The following DGKB variants were observed in gnomAD, a reference collection of about 807,000 sequenced individuals.
DGKB encodes diacylglycerol kinase beta.
In DGKB, 67 loss-of-function variants were observed where a neutral mutation model predicts 114.3. The ratio of observed to expected loss-of-function variants is 0.59; its 90% confidence interval spans 0.48 to 0.72. The LOEUF is 0.72. DGKB is among the 30% of genes least tolerant of loss of function. The pLI is 0.00. For synonymous variants in DGKB, 398 were observed against 323.1 expected, an observed-to-expected ratio of 1.23 and a Z score of -2.49; for missense variants, 907 against 975.2, an observed-to-expected ratio of 0.93 and a Z score of 0.93.
At chr7:14,682,928 A>C in intron 10 of DGKB, 87 bp from the exon 11 acceptor site, 5 of 880,000 alleles carry the variant, frequency 5.7e-6, no homozygotes, top group Non-Finnish European at 9.2e-6. Context: ...ACAGAACCTC[A>C]TTTCATATCC....
chr7:14,773,050 T>C (rs1415736317), intron 2 of DGKB, among the ~76,000 whole-genome samples: 1 of 152,186 alleles, frequency 6.6e-6, no homozygotes, highest in East Asian at 1.9e-4. Flanking sequence ...ATTCCTTGTG[T>C]TTTTAACATA....
chr7:14,704,158 G>A (rs915852978), intron 6 of DGKB, among the ~76,000 whole-genome samples: 6 of 151,742 alleles, frequency 4.0e-5, no homozygotes, highest in Non-Finnish European at 7.4e-5. Flanking sequence ...TTTGCCGGCC[G>A]GGCGCGGTGG....
intron 25 of DGKB, among the ~76,000 whole-genome samples, chr7:14,155,016 G>C (rs1202508841): frequency 6.6e-6 from 1 of 151,906 alleles, no homozygotes; most frequent in East Asian, 1.9e-4. Context: ...AGACTCCCCG[G>C]TCCCACCCCA....
At chr7:14,400,798 T>C (rs1822985978) in intron 21 of DGKB, among the ~76,000 whole-genome samples, 2 of 151,752 alleles carry the variant, frequency 1.3e-5, no homozygotes, top group African/African-American at 4.8e-5. Context: ...CATATTTATA[T>C]GTGTTATAAG....
chr7:14,454,713 C>T (rs1832027032), intron 21 of DGKB, among the ~76,000 whole-genome samples: 2 of 151,872 alleles, frequency 1.3e-5, no homozygotes, highest in South Asian at 4.1e-4. Context: ...TTTGTAAATC[C>T]CAGAGAGTTA....
chr7:14,242,306 G>C (rs1369598161), intron 23 of DGKB, among the ~76,000 whole-genome samples: 1 of 152,118 alleles, frequency 6.6e-6, no homozygotes, highest in African/African-American at 2.4e-5. Context: ...GGCCCTGCAG[G>C]GCAAAGAAGC....
chr7:14,296,734 T>TA (rs557442068), intron 23 of DGKB, among the ~76,000 whole-genome samples: 24 of 142,176 alleles, frequency 1.7e-4, no homozygotes, highest in Non-Finnish European at 2.9e-4. Context: ...AAAAAACCTT[T>TA]AAAAAAATCA....
rs915088792 is a variant in DGKB, at chr7:14,742,058, G to T, written c.169-5864C>A. ...GAGAGACCCTAAGATAATTTCTGAT[G>T]AACAGAGACTACTTGGGAAAAATGG... On this transcript the variant is annotated intron_variant, in intron 4 of 25. Coordinates refer to ENST00000402815, the MANE Select transcript of DGKB (RefSeq NM_001350709.2). Among the ~76,000 whole-genome samples the T allele has an allele frequency of 4.6e-5, 7 of 152,160 alleles. No individual in the cohort carries two copies. In the East Asian group the frequency reaches 9.7e-4, roughly 21 times the overall value.
At chr7:14,583,500 T>C (rs910918245) in intron 17 of DGKB, among the ~76,000 whole-genome samples, 4 of 152,210 alleles carry the variant, frequency 2.6e-5, no homozygotes, top group Non-Finnish European at 5.9e-5. Flanking sequence ...TTATTTCATT[T>C]AATAAATTTC....
At chr7:14,891,044 G>C (rs1185417764) in intron 1 of DGKB, among the ~76,000 whole-genome samples, 1 of 151,310 alleles carries the variant, frequency 6.6e-6, no homozygotes, top group Admixed American at 6.6e-5. Flanking sequence ...AAACATAAAA[G>C]AGAGGAAAAT....
At chr7:14,234,238 C>T (rs1792397372) in intron 23 of DGKB, among the ~76,000 whole-genome samples, 1 of 151,902 alleles carries the variant, frequency 6.6e-6, no homozygotes. Flanking sequence ...TTGCATGAAC[C>T]CTTGTCCGTG....
rs34838441 is a variant in DGKB, at chr7:14,841,454, C to CAA, written c.-187-6_-187-5dup. Reference sequence around the variant, plus strand: ...ATTTCAATAATGTGTTAAAGAACTGCAAAAAAAAAAAACAGATCAAGATCA... The same window carrying CAA: ...ATTTCAATAATGTGTTAAAGAACTGCAAAAAAAAAAAAAACAGATCAAGATCA... On this transcript the variant is annotated splice_region_variant and splice_polypyrimidine_tract_variant and intron_variant, in intron 1 of 25. Transcript: ENST00000402815. 3.6e-5 allele frequency: 13 copies of CAA among 364,186 alleles called. No homozygotes were observed. Among genetic ancestry groups the CAA allele is most frequent in the Admixed American group, 4.6e-5 (1 of 21,564 alleles). 22.6% of individuals were successfully genotyped at this position (364,186 alleles called of 1,614,324 possible). A position where few individuals can be genotyped will look rare whatever the true frequency, so the allele number is the denominator to read the frequency against.
At chr7:14,254,988 G>C (rs1474424017) in intron 23 of DGKB, among the ~76,000 whole-genome samples, 1 of 152,144 alleles carries the variant, frequency 6.6e-6, no homozygotes, top group Non-Finnish European at 1.5e-5. Context: ...CAAGGCACCA[G>C]TAGAAGTTGG....
rs193205046 is a variant in DGKB, at chr7:14,147,900, C to T, written c.*1231G>A. 3.1e-4 allele frequency: 47 copies of T among 152,014 alleles called. No homozygotes were observed. Among genetic ancestry groups the T allele is most frequent in the Admixed American group, 9.8e-4 (15 of 15,258 alleles). 9.4% of individuals were successfully genotyped at this position (152,014 alleles called of 1,614,324 possible). ...CAACAGTGATCTAGGCTGTTGTTTC[C>T]AAATAAACATTTGAAATGTCATAAA... On this transcript the variant is annotated 3_prime_UTR_variant, in exon 26 of 26. Coordinates refer to ENST00000402815, the MANE Select transcript of DGKB (RefSeq NM_001350709.2).
intron 21 of DGKB, among the ~76,000 whole-genome samples, chr7:14,387,206 G>C (rs10435058): frequency 6.6e-6 from 1 of 151,506 alleles, no homozygotes; most frequent in Non-Finnish European, 1.5e-5. Flanking sequence ...CGTGGATCAC[G>C]AGGTCAGGAG....
intron 21 of DGKB, among the ~76,000 whole-genome samples, chr7:14,432,297 G>C (rs1424898088): frequency 6.6e-6 from 1 of 152,058 alleles, no homozygotes; most frequent in Non-Finnish European, 1.5e-5. Context: ...TGAGCAATTT[G>C]CAAAACAGGC....
intron 23 of DGKB, among the ~76,000 whole-genome samples, chr7:14,303,963 C>T (rs1431693969): frequency 1.3e-5 from 2 of 150,720 alleles, no homozygotes; most frequent in African/African-American, 4.9e-5. Context: ...TTAATGAAAC[C>T]CTGGATTAGA....
intron 23 of DGKB, among the ~76,000 whole-genome samples, chr7:14,237,522 T>C (rs1156773475): frequency 6.6e-6 from 1 of 151,986 alleles, no homozygotes; most frequent in Non-Finnish European, 1.5e-5. Flanking sequence ...GAGCACAGTC[T>C]TGAGTAAGTA....
At chr7:14,675,145 A>G (rs974859180) in intron 12 of DGKB, among the ~76,000 whole-genome samples, 1 of 152,088 alleles carries the variant, frequency 6.6e-6, no homozygotes, top group African/African-American at 2.4e-5. Flanking sequence ...ATAAAAACCT[A>G]TTTGTGTTTA....
Sources: gnomAD v4.1 joint callset for allele counts (sites outside exome capture counted in the v4.1 genomes callset) on GRCh38, gnomAD v4.1.1 for gene constraint, MANE v1.5 for transcripts, NCBI Gene and HGNC (gene_info 2026-07-23, HGNC 2026-07-21) for gene names.